N4BP1: variants seen among roughly 807,000 people sequenced by gnomAD.
N4BP1 encodes the protein NEDD4 binding protein 1.
Under a neutral mutation model 70.9 loss-of-function variants are expected in N4BP1, and 21 were observed. The observed-to-expected ratio is 0.30, with a 90% CI of 0.21 to 0.43. The LOEUF (loss-of-function observed/expected upper bound fraction) is 0.43. Among genes scored for constraint, N4BP1 ranks in the 20% least tolerant of loss-of-function variants. The pLI is 1.00. For synonymous variants in N4BP1, 387 were observed against 394.6 expected, an observed-to-expected ratio of 0.98 and a Z score of 0.23; for missense variants, 936 against 1,069.4, an observed-to-expected ratio of 0.88 and a Z score of 1.74.
rs540782433 is a variant in N4BP1, at chr16:48,560,925, G to A, written c.1718C>T (p.Ser573Leu). The change falls in exon 2 of 7, where the codon TCG becomes TTG. Residue 573 changes from serine (S) to leucine (L), a missense_variant. Physicochemically the swap from Ser to Leu is moderately radical, Grantham distance 145. Transcript: ENST00000262384. Reference protein sequence around the residue: ...PPMPLPQLLPSVTDARSAGPS... With the variant: ...PPMPLPQLLPLVTDARSAGPS... ...TCCTGCCGACCTTGCATCAGTAACC[G>A]AAGGTAACAGCTGGGGCAGTGGCAT... 41 of 1,613,996 alleles carry A rather than the reference G, an allele frequency of 2.5e-5. No homozygotes were observed. Among genetic ancestry groups the A allele is most frequent in the South Asian group, 5.5e-5 (5 of 91,078 alleles).
At chr16:48,600,951 A>G (rs550759948) in intron 1 of N4BP1, among the ~76,000 whole-genome samples, 7 of 152,340 alleles carry the variant, frequency 4.6e-5, no homozygotes, top group African/African-American at 1.7e-4. Context: ...TATAATAAGT[A>G]ATGGCAAAAA....
chr16:48,598,595 T>TCC (rs1423254694), intron 1 of N4BP1, among the ~76,000 whole-genome samples: 2 of 152,140 alleles, frequency 1.3e-5, no homozygotes, highest in African/African-American at 4.8e-5. Flanking sequence ...GTCTAAGGGA[T>TCC]CCCCTCTTGG....
At chr16:48,588,127 T>C (rs940984668) in intron 1 of N4BP1, among the ~76,000 whole-genome samples, 2 of 152,134 alleles carry the variant, frequency 1.3e-5, no homozygotes, top group Non-Finnish European at 2.9e-5. Flanking sequence ...TAGCTACTAA[T>C]ACATCTTACC....
At chr16:48,587,467 C>G (rs1269353469) in intron 1 of N4BP1, 2 of 152,100 alleles carry the variant, frequency 1.3e-5, no homozygotes, top group Non-Finnish European at 2.9e-5. Flanking sequence ...GGAAGAAGCC[C>G]CTTTTCATTA....
intron 1 of N4BP1, among the ~76,000 whole-genome samples, chr16:48,599,294 TGTTTTTAAACCCTA>T: frequency 6.6e-6 from 1 of 152,228 alleles, no homozygotes; most frequent in South Asian, 2.1e-4. Context: ...TAACTGCAAC[TGTTTTTAAACCCTA>T]TGTCAGAATT....
chr16:48,549,340 A>G (rs1258416076), intron 4 of N4BP1, among the ~76,000 whole-genome samples: 1 of 152,238 alleles, frequency 6.6e-6, no homozygotes, highest in Non-Finnish European at 1.5e-5. Context: ...ATGTTTGCCC[A>G]GAAGTATTAA....
At chr16:48,606,036 TTACTG>T (rs1240512155) in intron 1 of N4BP1, among the ~76,000 whole-genome samples, 1 of 152,178 alleles carries the variant, frequency 6.6e-6, no homozygotes, top group Non-Finnish European at 1.5e-5. Flanking sequence ...GTATCACACT[TTACTG>T]TATCTTCCCC....
intron 1 of N4BP1, chr16:48,600,161 AC>A: frequency 3.7e-6 from 2 of 538,628 alleles, no homozygotes; most frequent in Admixed American, 5.8e-5. Context: ...TGCAGGTTTA[AC>A]ATGTGTACTG....
At position 48,542,452 on chromosome 16, in the gene N4BP1, C is replaced by G. The variant is rs1233211823; in HGVS notation, c.*452G>C. 1 of 153,010 alleles carries G rather than the reference C, an allele frequency of 6.5e-6. No homozygotes were observed. Among genetic ancestry groups the G allele is most frequent in the Non-Finnish European group, 1.5e-5 (1 of 68,318 alleles). 9.5% of individuals were successfully genotyped at this position (153,010 alleles called of 1,614,324 possible). A position where few individuals can be genotyped will look rare whatever the true frequency, so the allele number is the denominator to read the frequency against. On this transcript the variant is annotated 3_prime_UTR_variant, in exon 7 of 7. Transcript: ENST00000262384. ...AGAGGAGGCTGGAAGGGTGAGCACA[C>G]TTCATGGTAGTGATGGGACATACTC...
intron 1 of N4BP1, among the ~76,000 whole-genome samples, chr16:48,582,778 A>G (rs1254256000): frequency 6.6e-6 from 1 of 152,164 alleles, no homozygotes; most frequent in Non-Finnish European, 1.5e-5. Context: ...TCCCCAGCAG[A>G]TAAGGGGGAC....
intron 6 of N4BP1, 88 bp downstream of exon 6, chr16:48,546,059 T>C (rs1216227499): frequency 1.0e-5 from 8 of 785,830 alleles, no homozygotes; most frequent in Non-Finnish European, 2.0e-6. Context: ...TTTAATGTCA[T>C]TTTTAGTCTA....
chr16:48,552,590 C>T (rs188434107), intron 3 of N4BP1, among the ~76,000 whole-genome samples: 4 of 150,846 alleles, frequency 2.7e-5, no homozygotes, highest in South Asian at 2.1e-4. Context: ...CCCAGCTACT[C>T]GGGAGGCTGA....
intron 1 of N4BP1, among the ~76,000 whole-genome samples, chr16:48,593,431 G>A (rs1244208786): frequency 6.6e-6 from 1 of 152,162 alleles, no homozygotes; most frequent in Non-Finnish European, 1.5e-5. Flanking sequence ...AAGTTTAGAG[G>A]GTTAAAGGAT....
intron 4 of N4BP1, among the ~76,000 whole-genome samples, chr16:48,550,342 A>C (rs560019603): frequency 6.6e-6 from 1 of 151,684 alleles, no homozygotes; most frequent in African/African-American, 2.4e-5. Flanking sequence ...GTGAAACCCT[A>C]TCTCTACTAA....
At chr16:48,597,487 T>G (rs1480809631) in intron 1 of N4BP1, among the ~76,000 whole-genome samples, 1 of 152,152 alleles carries the variant, frequency 6.6e-6, no homozygotes, top group Non-Finnish European at 1.5e-5. Flanking sequence ...TAGATAAAAT[T>G]TCTGACCTTA....
intron 1 of N4BP1, among the ~76,000 whole-genome samples, chr16:48,578,714 T>C (rs1052269008): frequency 1.3e-5 from 2 of 152,202 alleles, no homozygotes; most frequent in Admixed American, 1.3e-4. Flanking sequence ...ATGTTCAAGA[T>C]TCTGAGAACA....
At position 48,577,347 on chromosome 16, in the gene N4BP1, T is replaced by C. The variant is rs541004409; in HGVS notation, c.199-14903A>G. ...TTGTGTTTTTTGCTTTCTTTCTCTA[T>C]TGCTCCTTAAATTTCCCAAAATTCT... On this transcript the variant is annotated intron_variant, in intron 1 of 6. Coordinates refer to ENST00000262384, the MANE Select transcript of N4BP1 (RefSeq NM_153029.4). Among the ~76,000 whole-genome samples the C allele has an allele frequency of 2.3e-3, 344 of 152,250 alleles. 2 individuals carry two copies. The highest frequency in any genetic ancestry group is 8.0e-3 in the African/African-American group (332 of 41,548).
Position 48,606,002 on chromosome 16 carries a change from T to C in N4BP1, c.198+3773A>G, listed in dbSNP as rs144478679. 4.6e-5 allele frequency among the ~76,000 whole-genome samples: 7 copies of C among 152,316 alleles called. No individual in the cohort carries two copies. The East Asian group carries it at 1.4e-3, about 29-fold the overall frequency. ...TCCATTCCTGTGTTACAGAAACACC[T>C]TGCACACATTGCAGTTGTTGTATGT... On this transcript the variant is annotated intron_variant, in intron 1 of 6. Coordinates refer to ENST00000262384, the MANE Select transcript of N4BP1 (RefSeq NM_153029.4).
Position 48,561,716 on chromosome 16 carries a change from A to G in N4BP1, c.927T>C (p.Ile309=). 6.2e-7 allele frequency: 1 copy of G among 1,612,320 alleles called. No homozygotes were observed. Among genetic ancestry groups the G allele is most frequent in the Non-Finnish European group, 8.5e-7 (1 of 1,179,862 alleles). The change falls in exon 2 of 7, where the codon ATT becomes ATC. Residue 309 remains isoleucine (I), a synonymous_variant. Coordinates refer to ENST00000262384, the MANE Select transcript of N4BP1 (RefSeq NM_153029.4). ...CAGCCAATGTCTTAGCATCGTGTAAAATCTCCCCCTCCTGAACATTTTCCA... is the reference window on the plus strand; with the variant it reads ...CAGCCAATGTCTTAGCATCGTGTAAGATCTCCCCCTCCTGAACATTTTCCA... ...FSLENVQEGE[I]LHDAKTLAGN...
Sources: allele counts gnomAD v4.1 joint callset (sites outside exome capture counted in the v4.1 genomes callset), GRCh38; gene constraint gnomAD v4.1.1; transcripts MANE v1.5; gene names NCBI Gene and HGNC (gene_info 2026-07-23, HGNC 2026-07-21).